Variants in HIF1AN observed in about 807,000 individuals in gnomAD.
HIF1AN encodes hypoxia inducible factor 1 subunit alpha inhibitor.
A neutral mutation model predicts 47.7 loss-of-function variants in HIF1AN; 21 were observed. The observed-to-expected ratio is 0.44, with a 90% confidence interval of 0.31 to 0.63. HIF1AN has a LOEUF of 0.63. HIF1AN is among the 30% of genes least tolerant of loss of function. The pLI, the probability that HIF1AN is intolerant of heterozygous loss-of-function variation, is 0.07. For synonymous variants in HIF1AN, 152 were observed against 155.9 expected, an observed-to-expected ratio of 0.98 and a Z score of 0.18; for missense variants, 320 against 432.7, an observed-to-expected ratio of 0.74 and a Z score of 2.31.
intron 2 of HIF1AN, among the ~76,000 whole-genome samples, chr10:100,540,280 G>T (rs759896354): frequency 6.7e-6 from 1 of 150,090 alleles, no homozygotes; most frequent in Non-Finnish European, 1.5e-5. Flanking sequence ...AAGTTTGGGG[G>T]CCAGATGCAG....
At position 100,547,831 on chromosome 10, in the gene HIF1AN, C is replaced by G. The variant is rs184108128; in HGVS notation, c.1006-262C>G. On this transcript the variant is annotated intron_variant, in intron 7 of 7. Transcript: ENST00000299163. ...GGATTATTAGCTTCTCTGACCATGT[C>G]TGTCCGTTTGGGGCAGATTACGGTA... is the stretch of plus-strand genomic sequence containing the variant. Among the ~76,000 whole-genome samples, 5 of 151,900 alleles carry G rather than the reference C, an allele frequency of 3.3e-5. No homozygotes were observed. In the East Asian group the frequency reaches 9.7e-4, roughly 29 times the overall value.
chr10:100,548,023 A>C, intron 7 of HIF1AN, 70 bp from the exon 8 acceptor site: 1 of 1,442,228 alleles, frequency 6.9e-7, no homozygotes, highest in South Asian at 1.1e-5. Context: ...TGATGTCTCC[A>C]GACACACCCT....
At position 100,557,296 on chromosome 10, in the gene HIF1AN, G is replaced by T. The variant is rs973753501; in HGVS notation, c.*9159G>T. ...TTGCACAGGCTGGGTGCCTTTGGGGGTGTTCATCTCGCTATGCTTCGGTCC... is the reference window on the plus strand; with the variant it reads ...TTGCACAGGCTGGGTGCCTTTGGGGTTGTTCATCTCGCTATGCTTCGGTCC... On this transcript the variant is annotated 3_prime_UTR_variant, in exon 8 of 8. Coordinates refer to ENST00000299163, the MANE Select transcript of HIF1AN (RefSeq NM_017902.3). 2.0e-5 allele frequency: 3 copies of T among 152,186 alleles called. No homozygotes were observed. The highest frequency in any genetic ancestry group is 2.0e-4 in the Admixed American group (3 of 15,266). 9.4% of individuals were successfully genotyped at this position (152,186 alleles called of 1,614,324 possible).
chr10:100,538,216 C>CT (rs1564661264), intron 2 of HIF1AN, among the ~76,000 whole-genome samples: 3 of 152,084 alleles, frequency 2.0e-5, no homozygotes, highest in Non-Finnish European at 4.4e-5. Context: ...CAAGGAAAAT[C>CT]TTTAATTGTT....
At chr10:100,538,818 CAAAAA>C (rs537239935) in intron 2 of HIF1AN, among the ~76,000 whole-genome samples, 1 of 68,370 alleles carries the variant, frequency 1.5e-5, no homozygotes. Flanking sequence ...GACTCCGTCT[CAAAAA>C]AAAAAAAAAA....
chr10:100,547,220 G>A lies in HIF1AN; in HGVS notation c.975G>A (p.Met325Ile). The A allele has an allele frequency of 6.2e-7, 1 of 1,613,774 alleles. No homozygotes were observed. The highest frequency in any genetic ancestry group is 8.5e-7 in the Non-Finnish European group (1 of 1,179,818). ...CCATAATGAGAAACATTGAGAAGATGCTTGGAGAGGCCTTGGGGAACCCAC... is the reference window on the plus strand; with the variant it reads ...CCATAATGAGAAACATTGAGAAGATACTTGGAGAGGCCTTGGGGAACCCAC... ...KVAIMRNIEK[M>I]LGEALGNPQE... is the part of the protein sequence containing the mutation. The change falls in exon 7 of 8, where the codon ATG (methionine) becomes ATA (isoleucine). Residue 325 changes from methionine to isoleucine, a missense_variant. Physicochemically the swap from Met to Ile is conservative, Grantham distance 10. Transcript: ENST00000299163.
chr10:100,540,350 C>G (rs1843014114), intron 2 of HIF1AN, among the ~76,000 whole-genome samples: 1 of 151,986 alleles, frequency 6.6e-6, no homozygotes, highest in Non-Finnish European at 1.5e-5. Flanking sequence ...TGCTTGAGCC[C>G]AAGAGTTTAA....
At chr10:100,537,820 T>C (rs1852245827) in intron 2 of HIF1AN, among the ~76,000 whole-genome samples, 2 of 152,266 alleles carry the variant, frequency 1.3e-5, no homozygotes. Flanking sequence ...ATTTGAAATA[T>C]CTTTTTTTCT....
rs1370897245 is a variant in HIF1AN, at chr10:100,549,522, ATTTCC to A, written c.*1389_*1393del. 6.6e-6 allele frequency: 1 copy of A among 152,210 alleles called. No individual in the cohort carries two copies. The highest frequency in any genetic ancestry group is 6.5e-5 in the Admixed American group (1 of 15,276). The allele number at this position is 152,210 out of a possible 1,614,324, so 9.4% of individuals were successfully genotyped here. On this transcript the variant is annotated 3_prime_UTR_variant, in exon 8 of 8. Transcript: ENST00000299163. ...GCAACTGGTGGAGCATGGAAGTCGA[ATTTCC>A]TTTTCTGTTAGGAGCTACTCCTGGG...
rs1564665141 is a variant in HIF1AN at position 100,550,323 on chromosome 10, T to C, written c.*2186T>C. On this transcript the variant is annotated 3_prime_UTR_variant, in exon 8 of 8. Coordinates refer to ENST00000299163, the MANE Select transcript of HIF1AN (RefSeq NM_017902.3). ...TAACACAAGAGTGATTCCTGATTTTTAGACACCTAATATGTGCCTAGTGCT... is the reference window on the plus strand; with the variant it reads ...TAACACAAGAGTGATTCCTGATTTTCAGACACCTAATATGTGCCTAGTGCT... 6.6e-6 allele frequency: 1 copy of C among 152,236 alleles called. No individual in the cohort carries two copies. The highest frequency in any genetic ancestry group is 1.5e-5 in the Non-Finnish European group (1 of 68,046). 9.4% of individuals were successfully genotyped at this position (152,236 alleles called of 1,614,324 possible). A position where few individuals can be genotyped will look rare whatever the true frequency, so the allele number is the denominator to read the frequency against.
At position 100,551,869 on chromosome 10, in the gene HIF1AN, G is replaced by C. The variant is rs1843165207; in HGVS notation, c.*3732G>C. 1 of 152,200 alleles carries C rather than the reference G, an allele frequency of 6.6e-6. No homozygotes were observed. Among genetic ancestry groups the C allele is most frequent in the African/African-American group, 2.4e-5 (1 of 41,440 alleles). The allele number at this position is 152,200 out of a possible 1,614,324, so 9.4% of individuals were successfully genotyped here. A position where few individuals can be genotyped will look rare whatever the true frequency, so the allele number is the denominator to read the frequency against. On this transcript the variant is annotated 3_prime_UTR_variant, in exon 8 of 8. Transcript: ENST00000299163. ...CCCTGTGTGGACAAGATTAGGGACT[G>C]TTGAGAGAGGAGGAAACCAGTAGAG...
chr10:100,554,136 C>T lies in HIF1AN; in HGVS notation c.*5999C>T, dbSNP rs1843193385. ...TGCCTCTTCTGCCTGGGCAGCCAGA[C>T]TTTACTGCTGTACTACCAGCCCAGG... On this transcript the variant is annotated 3_prime_UTR_variant, in exon 8 of 8. Transcript: ENST00000299163. 6.6e-6 allele frequency: 1 copy of T among 152,216 alleles called. No homozygotes were observed. The allele number at this position is 152,216 out of a possible 1,614,324, so 9.4% of individuals were successfully genotyped here. A position where few individuals can be genotyped will look rare whatever the true frequency, so the allele number is the denominator to read the frequency against.
intron 2 of HIF1AN, among the ~76,000 whole-genome samples, chr10:100,538,137 G>T (rs1271377175): frequency 6.6e-6 from 1 of 152,186 alleles, no homozygotes; most frequent in Non-Finnish European, 1.5e-5. Flanking sequence ...AGTTTCTTGT[G>T]TCCCATAGTG....
rs926443330 is a variant in HIF1AN, at chr10:100,556,742, T to A, written c.*8605T>A. 2.0e-5 allele frequency: 3 copies of A among 152,236 alleles called. No homozygotes were observed. Among genetic ancestry groups the A allele is most frequent in the African/African-American group, 7.2e-5 (3 of 41,458 alleles). 9.4% of individuals were successfully genotyped at this position (152,236 alleles called of 1,614,324 possible). ...CATTTGCCACTAGCTAATTCTAACC[T>A]TAGGTAAGTCAGTGTCTCTGGGTCT... On this transcript the variant is annotated 3_prime_UTR_variant, in exon 8 of 8. Coordinates refer to ENST00000299163, the MANE Select transcript of HIF1AN (RefSeq NM_017902.3).
At chr10:100,541,030 T>A (rs1447185730) in intron 3 of HIF1AN, among the ~76,000 whole-genome samples, 3 of 151,890 alleles carry the variant, frequency 2.0e-5, no homozygotes, top group Non-Finnish European at 2.9e-5. Context: ...CCGGCCAACA[T>A]CATGAAACCC....
At chr10:100,543,633 C>T (rs1301924636) in intron 3 of HIF1AN, among the ~76,000 whole-genome samples, 2 of 152,136 alleles carry the variant, frequency 1.3e-5, no homozygotes, top group Non-Finnish European at 2.9e-5. Flanking sequence ...AGTGCAATGG[C>T]GTGATCTCAG....
chr10:100,543,392 C>T (rs1240908957), intron 3 of HIF1AN, among the ~76,000 whole-genome samples: 1 of 152,004 alleles, frequency 6.6e-6, no homozygotes, highest in Non-Finnish European at 1.5e-5. Flanking sequence ...TGGGGGTCTC[C>T]CTATGTTGCC....
chr10:100,556,077 CT>C lies in HIF1AN; in HGVS notation c.*7943del, dbSNP rs1181503347. On this transcript the variant is annotated 3_prime_UTR_variant, in exon 8 of 8. Coordinates refer to ENST00000299163, the MANE Select transcript of HIF1AN (RefSeq NM_017902.3). Reference sequence around the variant, plus strand: ...GCTCAGTCTTTCTGTGTCTCTCAGTCTTTACCTCTCTTCCCCATCTAGCTTT... The same window carrying C: ...GCTCAGTCTTTCTGTGTCTCTCAGTCTTACCTCTCTTCCCCATCTAGCTTT... 1 of 152,220 alleles carries C rather than the reference CT, an allele frequency of 6.6e-6. No individual in the cohort carries two copies. The highest frequency in any genetic ancestry group is 1.9e-4 in the East Asian group (1 of 5,200). 9.4% of individuals were successfully genotyped at this position (152,220 alleles called of 1,614,324 possible).
At chr10:100,541,206 A>G (rs1843024621) in intron 3 of HIF1AN, among the ~76,000 whole-genome samples, 2 of 152,048 alleles carry the variant, frequency 1.3e-5, no homozygotes, top group Non-Finnish European at 2.9e-5. Flanking sequence ...CGACAGAGCA[A>G]GACTCTGTCT....
Sources: allele counts gnomAD v4.1 joint callset (sites outside exome capture counted in the v4.1 genomes callset), GRCh38; gene constraint gnomAD v4.1.1; transcripts MANE v1.5; gene names NCBI Gene and HGNC (gene_info 2026-07-23, HGNC 2026-07-21).